The following MOCS2 variants were observed in gnomAD, a reference collection of about 807,000 sequenced individuals.
MOCS2 encodes molybdopterin synthase catalytic subunit.
Under a neutral mutation model 21.9 loss-of-function variants are expected in MOCS2, and 13 were observed. The ratio of observed to expected loss-of-function variants is 0.59; its 90% CI spans 0.39 to 0.94. The LOEUF is 0.94. Ranked by LOEUF, MOCS2 falls within the 40% of genes least tolerant of loss-of-function variation. The pLI is 0.00. For synonymous variants in MOCS2, 92 were observed against 80.8 expected (o/e 1.14, Z -0.74); for missense variants, 227 against 218.3 (o/e 1.04, Z -0.25).
At chr5:53,099,096 A>G (rs1000463791) in intron 6 of MOCS2, among the ~76,000 whole-genome samples, 8 of 152,160 alleles carry the variant, frequency 5.3e-5, no homozygotes, top group African/African-American at 1.7e-4. Flanking sequence ...TAGAAGTTAC[A>G]TAGTTTGTGG....
intron 6 of MOCS2, among the ~76,000 whole-genome samples, chr5:53,099,253 A>C (rs1250825552): frequency 6.6e-6 from 1 of 152,196 alleles, no homozygotes; most frequent in African/African-American, 2.4e-5. Context: ...GCAAAATACG[A>C]AGCCCAACTA....
In MOCS2 at chr5:53,102,117, C is replaced by T. The variant is rs754818995; in HGVS notation, c.206G>A (p.Gly69Asp). The T allele has an allele frequency of 6.2e-7, 1 of 1,613,756 alleles. No homozygotes were observed. Among genetic ancestry groups the T allele is most frequent in the South Asian group, 1.1e-5 (1 of 91,050 alleles). Residue 69 changes from glycine (G) to aspartate (D), a missense_variant, in exon 4 of 7, where the codon GGT becomes GAT. Transcript: ENST00000396954. ...CTCACCTACAAATAGGGATATTGCA[C>T]CACAGAGCGGAGAAATCACCAACTG... is the stretch of plus-strand genomic sequence containing the variant. ...VSQLVISPLC[G>D]AISLFVGTTR...
intron 6 of MOCS2, 44 bp from the exon 7 acceptor site, chr5:53,098,711 A>G: frequency 7.9e-7 from 1 of 1,272,108 alleles, no homozygotes; most frequent in Non-Finnish European, 1.2e-6. Flanking sequence ...AGACCATTCT[A>G]CTATACGAAT....
At position 53,097,267 on chromosome 5, in the gene MOCS2, C is replaced by A. The variant is rs1740767826; in HGVS notation, c.*1335G>T. On this transcript the variant is annotated 3_prime_UTR_variant, in exon 7 of 7. Coordinates refer to ENST00000396954, the MANE Select transcript of MOCS2 (RefSeq NM_004531.5). ...AAGTCAGTGTGGCTGTCCTATGGGTCCCAGCCACAGATAAGATGCAGAGTG... is the reference window on the plus strand; with the variant it reads ...AAGTCAGTGTGGCTGTCCTATGGGTACCAGCCACAGATAAGATGCAGAGTG... 6.6e-6 allele frequency: 1 copy of A among 152,184 alleles called. No homozygotes were observed. The highest frequency in any genetic ancestry group is 1.5e-5 in the Non-Finnish European group (1 of 68,052). The allele number at this position is 152,184 out of a possible 1,614,324, so 9.4% of individuals were successfully genotyped here. A position where few individuals can be genotyped will look rare whatever the true frequency, so the allele number is the denominator to read the frequency against.
At chr5:53,107,047 G>A (rs759144695) in intron 3 of MOCS2, 30 bp downstream of exon 3, 14 of 1,612,718 alleles carry the variant, frequency 8.7e-6, no homozygotes, top group Middle Eastern at 3.3e-4. Flanking sequence ...TTCCCCACAC[G>A]ACTGATTAAG....
chr5:53,100,510 G>A lies in MOCS2; in HGVS notation c.402C>T (p.Ser134=). 1 of 1,613,598 alleles carries A rather than the reference G, an allele frequency of 6.2e-7. No homozygotes were observed. The highest frequency in any genetic ancestry group is 8.5e-7 in the Non-Finnish European group (1 of 1,179,750). ...RLGLVPVSEA[S]IIIAVSSAHR... ...GGGCTGAGGACACAGCAATGATTATGCTTGCTTCTGACACTGGAACCAAGC... is the reference window on the plus strand; with the variant it reads ...GGGCTGAGGACACAGCAATGATTATACTTGCTTCTGACACTGGAACCAAGC... Residue 134 remains serine (S), a synonymous_variant, in exon 6 of 7, where the codon AGC becomes AGT. Coordinates refer to ENST00000396954, the MANE Select transcript of MOCS2 (RefSeq NM_004531.5).
chr5:53,109,510 T>TG lies in MOCS2; in HGVS notation c.-430dup. The TG allele has an allele frequency of 2.2e-6, 3 of 1,346,342 alleles. No homozygotes were observed. Among genetic ancestry groups the TG allele is most frequent in the Non-Finnish European group, 1.9e-6 (2 of 1,056,746 alleles). The allele number at this position is 1,346,342 out of a possible 1,614,324, so 83.4% of individuals were successfully genotyped here. A position where few individuals can be genotyped will look rare whatever the true frequency, so the allele number is the denominator to read the frequency against. ...TTCTCGGAGAGGACCCGACTTCTGC[T>TG]GGGGCAGTCGCAGTAAAGCCCGGAG... On this transcript the variant is annotated 5_prime_UTR_variant, in exon 1 of 7. Transcript: ENST00000396954.
At position 53,109,412 on chromosome 5, in the gene MOCS2, G is replaced by T; in HGVS notation, c.-331C>A. 2.4e-6 allele frequency: 3 copies of T among 1,239,390 alleles called. No homozygotes were observed. Among genetic ancestry groups the T allele is most frequent in the Non-Finnish European group, 3.0e-6 (3 of 991,008 alleles). 76.8% of individuals were successfully genotyped at this position (1,239,390 alleles called of 1,614,324 possible). A position where few individuals can be genotyped will look rare whatever the true frequency, so the allele number is the denominator to read the frequency against. On this transcript the variant is annotated 5_prime_UTR_variant, in exon 1 of 7. Transcript: ENST00000396954. ...TAGCTTCATCAAAACGAATAATCTGGGAAAGAGGTGGTCATAAAAGGTGGA... is the reference window on the plus strand; with the variant it reads ...TAGCTTCATCAAAACGAATAATCTGTGAAAGAGGTGGTCATAAAAGGTGGA...
intron 3 of MOCS2, among the ~76,000 whole-genome samples, chr5:53,106,578 T>A (rs1184358988): frequency 1.3e-5 from 2 of 152,096 alleles, no homozygotes; most frequent in African/African-American, 4.8e-5. Context: ...GGGAGAAGAT[T>A]GAAAAAATAA....
At chr5:53,100,157 T>A (rs946316291) in intron 6 of MOCS2, among the ~76,000 whole-genome samples, 7 of 152,140 alleles carry the variant, frequency 4.6e-5, no homozygotes, top group African/African-American at 1.7e-4. Context: ...GAAAATAACT[T>A]CATGTATGAA....
intron 3 of MOCS2, 66 bp from the exon 4 acceptor site, chr5:53,102,290 G>A (rs1740935816): frequency 1.4e-6 from 2 of 1,437,284 alleles, no homozygotes; most frequent in East Asian, 4.6e-5. Flanking sequence ...CAACTTATAG[G>A]CTCTTTCAAT....
rs1386490257 is a variant in MOCS2, at chr5:53,097,075, C to G, written c.*1527G>C. The G allele has an allele frequency of 1.3e-5, 2 of 152,302 alleles. No individual in the cohort carries two copies. The highest frequency in any genetic ancestry group is 4.8e-5 in the African/African-American group (2 of 41,458). The allele number at this position is 152,302 out of a possible 1,614,324, so 9.4% of individuals were successfully genotyped here. A position where few individuals can be genotyped will look rare whatever the true frequency, so the allele number is the denominator to read the frequency against. ...GGACAGGCGGAAGCTCGATGGCAAG[C>G]CAGAGTGACACTGAACTGTGAAGGT... is the stretch of plus-strand genomic sequence containing the variant. On this transcript the variant is annotated 3_prime_UTR_variant, in exon 7 of 7. Coordinates refer to ENST00000396954, the MANE Select transcript of MOCS2 (RefSeq NM_004531.5).
At chr5:53,101,131 A>G (rs1740896290) in intron 5 of MOCS2, 7 of 586,412 alleles carry the variant, frequency 1.2e-5, no homozygotes, top group Non-Finnish European at 2.1e-5. Context: ...GTCTTGGCAC[A>G]ACTGCAGTTT....
At chr5:53,102,448 T>C (rs1277680993) in intron 3 of MOCS2, among the ~76,000 whole-genome samples, 4 of 152,110 alleles carry the variant, frequency 2.6e-5, no homozygotes, top group Non-Finnish European at 5.9e-5. Context: ...TCGGCCTTTG[T>C]TGCAAGCAGG....
At position 53,107,205 on chromosome 5, in the gene MOCS2, T is replaced by A. The variant is rs1253382456; in HGVS notation, c.-31A>T. The A allele has an allele frequency of 1.2e-6, 2 of 1,613,746 alleles. No individual in the cohort carries two copies. Among genetic ancestry groups the A allele is most frequent in the Non-Finnish European group, 1.7e-6 (2 of 1,179,870 alleles). ...TGACGAACAGCAAATATTATCTGAT[T>A]TCTAACATCAGCCAATCTAAAGGGG... On this transcript the variant is annotated 5_prime_UTR_variant, in exon 3 of 7. Transcript: ENST00000396954.
intron 3 of MOCS2, among the ~76,000 whole-genome samples, chr5:53,106,869 T>C (rs1190204851): frequency 6.6e-6 from 1 of 152,220 alleles, no homozygotes; most frequent in Non-Finnish European, 1.5e-5. Context: ...ATATGTTTAT[T>C]GTAATTAAAC....
chr5:53,099,482 G>A (rs1344258848), intron 6 of MOCS2, among the ~76,000 whole-genome samples: 10 of 152,164 alleles, frequency 6.6e-5, no homozygotes, highest in African/African-American at 2.2e-4. Context: ...CTTGTTCACA[G>A]CAAGGGAACA....
chr5:53,099,556 T>C (rs1236601366), intron 6 of MOCS2, among the ~76,000 whole-genome samples: 1 of 112,670 alleles, frequency 8.9e-6, no homozygotes, highest in Non-Finnish European at 1.9e-5. Flanking sequence ...CTACGTATTC[T>C]AACAATGGGC....
At chr5:53,101,030 T>A (rs1740893445) in intron 5 of MOCS2, 1 of 387,320 alleles carries the variant, frequency 2.6e-6, no homozygotes, top group East Asian at 5.4e-5. Context: ...ACTCTTCTCT[T>A]TTTAGGGGTA....
Sources: gnomAD v4.1 joint callset for allele counts (sites outside exome capture counted in the v4.1 genomes callset) on GRCh38, gnomAD v4.1.1 for gene constraint, MANE v1.5 for transcripts, NCBI Gene and HGNC (gene_info 2026-07-23, HGNC 2026-07-21) for gene names.